MBD5: variants seen among roughly 807,000 people sequenced by gnomAD.
The protein encoded by MBD5 is methyl-CpG-binding domain protein 5.
MBD5 carries 13 observed loss-of-function variants against 117.3 expected under a neutral mutation model. The ratio of observed to expected loss-of-function variants is 0.11; its 90% CI spans 0.07 to 0.18. The LOEUF (loss-of-function observed/expected upper bound fraction) is 0.18, where lower values mean the gene tolerates loss of function less well. MBD5 is among the 10% of genes least tolerant of loss of function. The pLI is 1.00. For missense variants in MBD5, 1,879 were observed against 2,093.8 expected, an observed-to-expected ratio of 0.90 and a Z score of 2.00; for synonymous variants, 727 against 766.4, an observed-to-expected ratio of 0.95 and a Z score of 0.85.
At chr2:148,466,940 A>T (rs904405183) in intron 7 of MBD5, among the ~76,000 whole-genome samples, 1 of 152,214 alleles carries the variant, frequency 6.6e-6, no homozygotes, top group Non-Finnish European at 1.5e-5. Flanking sequence ...TCTAGCAGAT[A>T]GGAAAAATAT....
chr2:148,405,739 C>T (rs1014592589), intron 4 of MBD5, among the ~76,000 whole-genome samples: 9 of 152,170 alleles, frequency 5.9e-5, no homozygotes, highest in Non-Finnish European at 1.0e-4. Context: ...GCCTGTACAG[C>T]TATCTCTTTA....
At position 148,081,648 on chromosome 2, in the gene MBD5, C is replaced by G. The variant is rs1695651234; in HGVS notation, c.-925+59964C>G. On this transcript the variant is annotated intron_variant, in intron 1 of 13. Transcript: ENST00000642680. ...AGATAGGGAAGAGAGGTAAGAGGAG[C>G]ATATTGTAAGTTCTGGTCTCCTTTT... Among the ~76,000 whole-genome samples, 3 of 152,064 alleles carry G rather than the reference C, an allele frequency of 2.0e-5. No homozygotes were observed. In the South Asian group the frequency reaches 6.2e-4, roughly 32 times the overall value.
intron 4 of MBD5, among the ~76,000 whole-genome samples, chr2:148,376,650 ATTAGGG>A (rs1489528426): frequency 6.8e-6 from 1 of 146,962 alleles, no homozygotes; most frequent in Non-Finnish European, 1.5e-5. Context: ...CAGATACTAG[ATTAGGG>A]TACTGTATTG....
chr2:148,482,329 T>C (rs1681183032), intron 8 of MBD5, among the ~76,000 whole-genome samples: 2 of 152,160 alleles, frequency 1.3e-5, no homozygotes, highest in African/African-American at 2.4e-5. Flanking sequence ...GACTGTGGAT[T>C]GATTAAAGTA....
chr2:148,462,961 G>T (rs1707140557), intron 6 of MBD5, among the ~76,000 whole-genome samples: 3 of 151,840 alleles, frequency 2.0e-5, no homozygotes, highest in South Asian at 2.1e-4. Flanking sequence ...ATCTAATATT[G>T]CTCGGCATTT....
At chr2:148,444,961 G>A (rs781752782) in intron 4 of MBD5, among the ~76,000 whole-genome samples, 2 of 150,774 alleles carry the variant, frequency 1.3e-5, no homozygotes, top group African/African-American at 2.5e-5. Context: ...ATTATATCAG[G>A]ATTATATAAT....
At chr2:148,150,284 T>G (rs1697613221) in intron 1 of MBD5, among the ~76,000 whole-genome samples, 1 of 149,906 alleles carries the variant, frequency 6.7e-6, no homozygotes, top group African/African-American at 2.5e-5. Flanking sequence ...GGCTCTGTTC[T>G]GTTCCATTGA....
chr2:148,074,507 G>GTGTTTTTTTTTTGT (rs1695447659), intron 1 of MBD5, among the ~76,000 whole-genome samples: 1 of 113,772 alleles, frequency 8.8e-6, no homozygotes, highest in African/African-American at 3.5e-5. Context: ...TTTTTTTTTT[G>GTGTTTTTTTTTTGT]TTTTTTTTTT....
chr2:148,286,991 G>A (rs554707331), intron 3 of MBD5, among the ~76,000 whole-genome samples: 111 of 152,110 alleles, frequency 7.3e-4, no homozygotes, highest in Non-Finnish European at 1.5e-3. Flanking sequence ...AATGCAATAT[G>A]ACATCTTGCC....
intron 3 of MBD5, among the ~76,000 whole-genome samples, chr2:148,335,478 G>A (rs1574303034): frequency 6.6e-6 from 1 of 152,182 alleles, no homozygotes; most frequent in Non-Finnish European, 1.5e-5. Flanking sequence ...TAGCACTTTA[G>A]GAGGCGGAGG....
At chr2:148,429,495 G>T (rs1382148774) in intron 4 of MBD5, among the ~76,000 whole-genome samples, 1 of 152,104 alleles carries the variant, frequency 6.6e-6, no homozygotes, top group African/African-American at 2.4e-5. Context: ...CCCATTACTG[G>T]ATATATACCT....
intron 3 of MBD5, among the ~76,000 whole-genome samples, chr2:148,249,424 A>C (rs78000612): frequency 6.6e-6 from 1 of 152,110 alleles, no homozygotes; most frequent in African/African-American, 2.4e-5. Flanking sequence ...CAATAAGTAA[A>C]ATAATTAAAA....
intron 4 of MBD5, among the ~76,000 whole-genome samples, chr2:148,406,463 T>C (rs944873605): frequency 2.0e-5 from 3 of 152,188 alleles, no homozygotes; most frequent in Non-Finnish European, 4.4e-5. Flanking sequence ...TCACAAAGAC[T>C]TCCAGCAGAT....
chr2:148,147,517 G>A (rs1223607420), intron 1 of MBD5, among the ~76,000 whole-genome samples: 1 of 152,094 alleles, frequency 6.6e-6, no homozygotes, highest in Non-Finnish European at 1.5e-5. Flanking sequence ...TGGTATTACA[G>A]GTGTGAGTCA....
At chr2:148,051,719 A>G (rs924780938) in intron 1 of MBD5, among the ~76,000 whole-genome samples, 1 of 151,960 alleles carries the variant, frequency 6.6e-6, no homozygotes, top group Non-Finnish European at 1.5e-5. Flanking sequence ...ATGGTTTAAT[A>G]TAATCACAAT....
intron 3 of MBD5, among the ~76,000 whole-genome samples, chr2:148,327,674 C>G (rs1702497416): frequency 6.6e-6 from 1 of 151,780 alleles, no homozygotes; most frequent in South Asian, 2.1e-4. Flanking sequence ...AGTTATCGAG[C>G]CTTGGTTTTC....
chr2:148,258,573 A>T (rs1016598229), intron 3 of MBD5, among the ~76,000 whole-genome samples: 1 of 152,128 alleles, frequency 6.6e-6, no homozygotes, highest in Non-Finnish European at 1.5e-5. Flanking sequence ...AAACAGCTCT[A>T]CATGTCCTCC....
At chr2:148,157,618 G>C (rs1174756022) in intron 1 of MBD5, among the ~76,000 whole-genome samples, 1 of 152,064 alleles carries the variant, frequency 6.6e-6, no homozygotes, top group East Asian at 1.9e-4. Flanking sequence ...TCATCACTGG[G>C]GGCAGTTCTG....
At chr2:148,164,059 G>A (rs780590291) in intron 1 of MBD5, among the ~76,000 whole-genome samples, 6 of 152,126 alleles carry the variant, frequency 3.9e-5, no homozygotes, top group Non-Finnish European at 8.8e-5. Flanking sequence ...TATGCCTACT[G>A]TGTGCTAATC....
Sources: allele counts gnomAD v4.1 joint callset (sites outside exome capture counted in the v4.1 genomes callset), GRCh38; gene constraint gnomAD v4.1.1; transcripts MANE v1.5; gene names NCBI Gene and HGNC (gene_info 2026-07-23, HGNC 2026-07-21).